ITSN1: variants seen among roughly 807,000 people sequenced by gnomAD.
ITSN1 encodes intersectin-1.
Under a neutral mutation model 239.8 loss-of-function variants are expected in ITSN1, and 58 were observed. The ratio of observed to expected loss-of-function variants is 0.24; its 90% CI spans 0.20 to 0.30. ITSN1 has a LOEUF of 0.30. Among genes scored for constraint, ITSN1 ranks in the 10% least tolerant of loss-of-function variants. The pLI, the probability that ITSN1 is intolerant of heterozygous loss-of-function variation, is 1.00. For missense variants in ITSN1, 1,558 were observed against 2,103.3 expected (o/e 0.74, Z 5.07); for synonymous variants, 780 against 770.8 (o/e 1.01, Z -0.20).
intron 1 of ITSN1, chr21:33,643,265 C>G (rs1213210376): frequency 1.3e-5 from 2 of 151,358 alleles, no homozygotes; most frequent in African/African-American, 4.9e-5. Flanking sequence ...GCCGTTCGGC[C>G]CCAGGGCGCG....
chr21:33,646,978 C>A (rs2088012528), intron 1 of ITSN1, among the ~76,000 whole-genome samples: 1 of 150,968 alleles, frequency 6.6e-6, no homozygotes, highest in African/African-American at 2.4e-5. Flanking sequence ...AGAGCAAGGC[C>A]CTGTCTCAAA....
Position 33,892,287 on chromosome 21 carries a change from G to C in ITSN1, c.*3987G>C, listed in dbSNP as rs756400497. ...GAAGCCCTCAGACAGTATAGTCTGA[G>C]CCACCATAAGAGGCATTAGGGAAAA... On this transcript the variant is annotated 3_prime_UTR_variant, in exon 40 of 40. Transcript: ENST00000381318. The C allele has an allele frequency of 1.3e-5, 2 of 152,238 alleles. No individual in the cohort carries two copies. Among genetic ancestry groups the C allele is most frequent in the African/African-American group, 2.4e-5 (1 of 41,462 alleles). The allele number at this position is 152,238 out of a possible 1,614,324, so 9.4% of individuals were successfully genotyped here. A position where few individuals can be genotyped will look rare whatever the true frequency, so the allele number is the denominator to read the frequency against.
At chr21:33,840,443 A>T (rs1387686695) in intron 29 of ITSN1, among the ~76,000 whole-genome samples, 1 of 151,894 alleles carries the variant, frequency 6.6e-6, no homozygotes, top group Non-Finnish European at 1.5e-5. Flanking sequence ...GGCTCACTGC[A>T]ACCTCCACCT....
intron 1 of ITSN1, among the ~76,000 whole-genome samples, chr21:33,674,213 T>G (rs2090463529): frequency 6.6e-6 from 1 of 152,252 alleles, no homozygotes; most frequent in Admixed American, 6.5e-5. Context: ...TACTGTGGAT[T>G]CTTTTTTTCT....
At chr21:33,801,909 T>G (rs899804215) in intron 19 of ITSN1, among the ~76,000 whole-genome samples, 1 of 152,244 alleles carries the variant, frequency 6.6e-6, no homozygotes. Flanking sequence ...CACCTGCTGT[T>G]TCCTACACCG....
chr21:33,741,316 T>A (rs1219745088), intron 5 of ITSN1, among the ~76,000 whole-genome samples: 1 of 152,192 alleles, frequency 6.6e-6, no homozygotes, highest in Non-Finnish European at 1.5e-5. Flanking sequence ...AAGAACCAAA[T>A]TTTTAAAAAG....
chr21:33,651,913 T>A (rs1404357403), intron 1 of ITSN1, among the ~76,000 whole-genome samples: 3 of 152,242 alleles, frequency 2.0e-5, no homozygotes, highest in East Asian at 3.8e-4. Context: ...GTTGTTTTGA[T>A]CTTGGTAGAT....
At chr21:33,876,329 T>TTCC (rs1324280046) in intron 34 of ITSN1, among the ~76,000 whole-genome samples, 1 of 149,926 alleles carries the variant, frequency 6.7e-6, no homozygotes, top group African/African-American at 2.5e-5. Flanking sequence ...TCCTTCCTTC[T>TTCC]TTCCTTCCTT....
intron 1 of ITSN1, among the ~76,000 whole-genome samples, chr21:33,702,279 G>C (rs2146830551): frequency 6.6e-6 from 1 of 151,876 alleles, no homozygotes; most frequent in East Asian, 2.0e-4. Flanking sequence ...ACCACACCCA[G>C]CTAATTTTTA....
intron 19 of ITSN1, among the ~76,000 whole-genome samples, chr21:33,800,336 G>A (rs570841461): frequency 4.0e-5 from 6 of 151,734 alleles, no homozygotes; most frequent in East Asian, 1.9e-4. Flanking sequence ...ACTAGTGTGC[G>A]TGTGTGTATA....
At chr21:33,884,971 GTGTT>G in intron 36 of ITSN1, 66 bp from the exon 37 acceptor site, 5 of 1,088,822 alleles carry the variant, frequency 4.6e-6, no homozygotes, top group Non-Finnish European at 7.1e-6. Context: ...CCTGGCAACA[GTGTT>G]TGAACAGACC....
chr21:33,643,058 C>A (rs1011966244), intron 1 of ITSN1, among the ~76,000 whole-genome samples: 1 of 150,098 alleles, frequency 6.7e-6, no homozygotes, highest in Non-Finnish European at 1.5e-5. Flanking sequence ...TCGCGGGGAC[C>A]CCGGGCGGCC....
intron 29 of ITSN1, among the ~76,000 whole-genome samples, chr21:33,840,922 A>G (rs1479206662): frequency 6.6e-6 from 1 of 152,206 alleles, no homozygotes; most frequent in African/African-American, 2.4e-5. Flanking sequence ...GATGAGTCCA[A>G]ATGAGATTGT....
chr21:33,661,741 A>T (rs2089572722), intron 1 of ITSN1, among the ~76,000 whole-genome samples: 1 of 152,070 alleles, frequency 6.6e-6, no homozygotes, highest in African/African-American at 2.4e-5. Context: ...TGTGGTAGTG[A>T]GTGAGTCTTA....
intron 27 of ITSN1, among the ~76,000 whole-genome samples, chr21:33,831,122 A>G (rs1402666676): frequency 6.6e-6 from 1 of 152,208 alleles, no homozygotes; most frequent in African/African-American, 2.4e-5. Context: ...TCATACAGAA[A>G]GTGTGTCTCC....
At chr21:33,681,847 A>AT (rs1474615357) in intron 1 of ITSN1, among the ~76,000 whole-genome samples, 5 of 150,884 alleles carry the variant, frequency 3.3e-5, no homozygotes, top group Admixed American at 2.0e-4. Flanking sequence ...ATTTTTTTGT[A>AT]TTTTTAGTAG....
intron 10 of ITSN1, 74 bp from the exon 11 acceptor site, chr21:33,767,639 C>A: frequency 2.9e-6 from 2 of 697,856 alleles, no homozygotes; most frequent in South Asian, 2.5e-5. Flanking sequence ...TTTAAAAATC[C>A]TTCTTCATAA....
At chr21:33,673,620 A>G (rs1307373434) in intron 1 of ITSN1, among the ~76,000 whole-genome samples, 2 of 151,202 alleles carry the variant, frequency 1.3e-5, no homozygotes, top group Non-Finnish European at 2.9e-5. Flanking sequence ...AACACGTATT[A>G]GAGAAACTGT....
chr21:33,830,742 C>A (rs2074248715), intron 27 of ITSN1, among the ~76,000 whole-genome samples: 1 of 152,012 alleles, frequency 6.6e-6, no homozygotes, highest in African/African-American at 2.4e-5. Flanking sequence ...AATTACTGTA[C>A]CAGTGTAAAA....
Sources: gnomAD v4.1 joint callset for allele counts (sites outside exome capture counted in the v4.1 genomes callset) on GRCh38, gnomAD v4.1.1 for gene constraint, MANE v1.5 for transcripts, NCBI Gene and HGNC (gene_info 2026-07-23, HGNC 2026-07-21) for gene names.